PLEC: variants seen among roughly 807,000 people sequenced by gnomAD.
PLEC encodes the protein hemidesmosomal protein 1.
Under a neutral mutation model 392.8 loss-of-function variants are expected in PLEC, and 216 were observed. The observed-to-expected ratio is 0.55, with a 90% CI of 0.49 to 0.62. The LOEUF (loss-of-function observed/expected upper bound fraction) is 0.62. PLEC is among the 20% of genes least tolerant of loss of function. PLEC has a pLI of 0.00. For missense variants in PLEC, 6,863 were observed against 6,563.4 expected, an observed-to-expected ratio of 1.05 and a Z score of -1.58; for synonymous variants, 3,621 against 2,980.6, an observed-to-expected ratio of 1.21 and a Z score of -7.00.
At chr8:143,962,341 G>A (rs553012910) in intron 1 of PLEC, among the ~76,000 whole-genome samples, 84 of 152,322 alleles carry the variant, frequency 5.5e-4, no homozygotes, top group Non-Finnish European at 9.6e-4. Context: ...GGGTGCCTTC[G>A]GAGAAAGCGT....
At chr8:143,937,836 G>A (rs1829460976) in intron 3 of PLEC, 2 of 576,974 alleles carry the variant, frequency 3.5e-6, no homozygotes, top group South Asian at 1.5e-5. Context: ...AAGGTTCAGA[G>A]TCCAAGCAGC....
upstream of PLEC, chr8:143,975,469 A>G (rs542036717): frequency 2.9e-6 from 3 of 1,029,776 alleles, no homozygotes; most frequent in African/African-American, 4.8e-5. This position sits in a 1 kb window ranked among gnomAD's most constrained non-coding sequence, Gnocchi z 9.9. Context: ...TAGACACTGA[A>G]CTCTCCCCAC....
chr8:143,936,262 C>A (rs542773415), intron 5 of PLEC, among the ~76,000 whole-genome samples: 1 of 152,306 alleles, frequency 6.6e-6, no homozygotes, highest in East Asian at 1.9e-4. Context: ...CAGCTCAGAA[C>A]CCCCAACCCT....
rs1220515680 is a variant in PLEC, at chr8:143,917,045, C to G, written c.12776G>C (p.Ser4259Thr). The G allele has an allele frequency of 2.5e-6, 4 of 1,610,134 alleles. No individual in the cohort carries two copies. The highest frequency in any genetic ancestry group is 2.7e-5 in the African/African-American group (2 of 74,984). ...CAGCTGGGTCCTGGAGACGGCGGGG[C>G]TGATGGGGTAGGAGGAGGAGGATCC... ...SVGSSSSYPI[S>T]PAVSRTQLAS... The change falls in exon 32 of 32, where the codon AGC becomes ACC. Residue 4259 changes from serine (S) to threonine (T), a missense_variant. Ser to Thr is a moderately conservative substitution (Grantham distance 58). Coordinates refer to ENST00000345136, the MANE Select transcript of PLEC (RefSeq NM_201384.3).
Position 143,930,126 on chromosome 8 carries a change from T to G in PLEC, c.2612+18A>C, listed in dbSNP as rs572842527. 3.1e-6 allele frequency: 5 copies of G among 1,589,494 alleles called. No homozygotes were observed. The highest frequency in any genetic ancestry group is 4.3e-6 in the Non-Finnish European group (5 of 1,173,494). Reference sequence around the variant, plus strand: ...CACCCGCCTTCCAGCCCCCACCTGCTGAGCCCCCGCCACCCACCTGGTGAC... The same window carrying G: ...CACCCGCCTTCCAGCCCCCACCTGCGGAGCCCCCGCCACCCACCTGGTGAC... On this transcript the variant is annotated intron_variant, in intron 21 of 31. Coordinates refer to ENST00000345136, the MANE Select transcript of PLEC (RefSeq NM_201384.3).
intron 1 of PLEC, among the ~76,000 whole-genome samples, chr8:143,971,041 G>A (rs1211602767): frequency 3.9e-5 from 6 of 152,300 alleles, no homozygotes; most frequent in South Asian, 2.1e-4. Context: ...ACAGGAAGTT[G>A]GCGATGTTCC....
chr8:143,922,422 G>C (rs782139453), intron 31 of PLEC, 27 bp from the exon 32 acceptor site: 1 of 1,600,528 alleles, frequency 6.2e-7, no homozygotes, highest in Non-Finnish European at 8.5e-7. Context: ...TGTGATCAGG[G>C]ACCGCCAGCC....
chr8:143,945,263 C>T, intron 1 of PLEC: 1 of 488,396 alleles, frequency 2.0e-6, no homozygotes, highest in South Asian at 1.5e-5. Flanking sequence ...GCGCCTGCCC[C>T]ACAGCACAGC....
intron 2 of PLEC, 144 bp downstream of exon 2, chr8:143,938,487 A>G (rs1829680467): frequency 6.4e-7 from 1 of 1,555,762 alleles, no homozygotes; most frequent in South Asian, 1.1e-5. Context: ...GTAGGGAAGA[A>G]AGAGGACAGA....
At chr8:143,932,292 C>T (rs1368924906) in intron 16 of PLEC, 58 bp from the exon 17 acceptor site, 2 of 1,607,752 alleles carry the variant, frequency 1.2e-6, no homozygotes, top group South Asian at 1.1e-5. Context: ...CTGCCACGCT[C>T]CCAGCAAACT....
At chr8:143,953,882 AGGGCTTGCCGGCCAGGGGCG>A (rs1242307751), upstream of PLEC, 6 of 1,529,384 alleles carry the variant, frequency 3.9e-6, no homozygotes, top group East Asian at 7.4e-5. Context: ...GGTCCGGGGC[AGGGCTTGCCGGCCAGGGGCG>A]GGGCTTCAGC....
intron 1 of PLEC, among the ~76,000 whole-genome samples, chr8:143,946,939 A>G (rs1165902620): frequency 6.6e-6 from 1 of 152,102 alleles, no homozygotes; most frequent in African/African-American, 2.4e-5. Context: ...GCATCTGTCC[A>G]GGGGCAATGG....
At position 143,969,648 on chromosome 8, in the gene PLEC, GC is replaced by G. The variant is rs1254068598; in HGVS notation, c.70+3754del. Among the ~76,000 whole-genome samples the G allele has an allele frequency of 2.0e-5, 3 of 152,176 alleles. No individual in the cohort carries two copies. The East Asian group carries it at 5.8e-4, about 29-fold the overall frequency. Reference sequence around the variant, plus strand: ...GCGGTCAGTGAAGAAAGAAAGAGCGGCCCAGCAGCAGTCCAGCGTTGTGGGC... The same window carrying G: ...GCGGTCAGTGAAGAAAGAAAGAGCGGCCAGCAGCAGTCCAGCGTTGTGGGC... On this transcript the variant is annotated intron_variant, in intron 1 of 31. Transcript: ENST00000356346. This position sits in a 1 kb window ranked among gnomAD's most constrained non-coding sequence, Gnocchi z 5.1.
chr8:143,950,771 C>T lies in PLEC; in HGVS notation c.-65G>A, dbSNP rs1430471432. ...GCAGGCAGGGTACCACGAGAAGGCC[C>T]GGGGCGCTGCGAGAAGCTCCCGCGC... On this transcript the variant is annotated 5_prime_UTR_variant, in exon 1 of 32. Transcript: ENST00000322810. 14 of 1,531,762 alleles carry T rather than the reference C, an allele frequency of 9.1e-6. No individual in the cohort carries two copies. The African/African-American group carries it at 1.2e-4, about 13-fold the overall frequency. 94.9% of individuals were successfully genotyped at this position (1,531,762 alleles called of 1,614,324 possible).
At chr8:143,956,564 G>T (rs545351948), upstream of PLEC, among the ~76,000 whole-genome samples, 1 of 152,264 alleles carries the variant, frequency 6.6e-6, no homozygotes, top group African/African-American at 2.4e-5. Flanking sequence ...AGACTGACTC[G>T]AAAACAAACA....
intron 1 of PLEC, among the ~76,000 whole-genome samples, chr8:143,966,688 G>A (rs11781667): frequency 2.0e-5 from 3 of 151,106 alleles, no homozygotes; most frequent in Non-Finnish European, 2.9e-5. Flanking sequence ...TAGTCCCCGC[G>A]TCAGGAAGCT....
At chr8:143,947,411 A>G (rs959565283) in intron 1 of PLEC, among the ~76,000 whole-genome samples, 3 of 152,120 alleles carry the variant, frequency 2.0e-5, no homozygotes, top group Non-Finnish European at 4.4e-5. Flanking sequence ...CCTCCACACA[A>G]TCCTCGGTTC....
chr8:143,926,648 G>A (rs879996117), intron 30 of PLEC, 136 bp downstream of exon 30: 1 of 797,204 alleles, frequency 1.3e-6, no homozygotes, highest in Non-Finnish European at 2.2e-6. Flanking sequence ...CTGGGGGCAG[G>A]GGGTGCTGGC....
chr8:143,922,795 C>A lies in PLEC; in HGVS notation c.7134G>T (p.Met2378Ile). 6.3e-7 allele frequency: 1 copy of A among 1,594,358 alleles called. No homozygotes were observed. The change falls in exon 31 of 32, where the codon ATG (methionine) becomes ATT (isoleucine). Residue 2378 changes from methionine to isoleucine, a missense_variant. Met to Ile is a conservative substitution (Grantham distance 10). Coordinates refer to ENST00000345136, the MANE Select transcript of PLEC (RefSeq NM_201384.3). ...LEAERQRQLE[M>I]SAEAERLKLR... ...GCTTGAGGCGCTCAGCCTCAGCGCT[C>A]ATCTCCAGCTGCCGCTGCCGCTCGG...
Sources: allele counts gnomAD v4.1 joint callset (sites outside exome capture counted in the v4.1 genomes callset), GRCh38; gene constraint gnomAD v4.1.1; non-coding constraint Gnocchi (gnomAD v3.1); transcripts MANE v1.5; gene names NCBI Gene and HGNC (gene_info 2026-07-23, HGNC 2026-07-21).